The following RIC8B variants were observed in gnomAD, a reference collection of about 807,000 sequenced individuals.
RIC8B encodes chaperone Ric-8B.
In RIC8B, 16 loss-of-function variants were observed where a neutral mutation model predicts 57.5. That is an observed-to-expected ratio of 0.28 (90% CI 0.19 to 0.42). The LOEUF is 0.42. RIC8B is among the 10% of genes least tolerant of loss of function. RIC8B has a pLI of 1.00. For missense variants in RIC8B, 481 were observed against 677.0 expected (o/e 0.71, Z 3.21); for synonymous variants, 216 against 250.8 (o/e 0.86, Z 1.31).
chr12:106,809,486 G>T (rs2045226356), intron 2 of RIC8B, among the ~76,000 whole-genome samples: 1 of 143,386 alleles, frequency 7.0e-6, no homozygotes. Context: ...TTGTGCCACT[G>T]CACTTCAGCC....
intron 4 of RIC8B, among the ~76,000 whole-genome samples, chr12:106,841,928 C>G (rs887550416): frequency 3.3e-5 from 5 of 152,064 alleles, no homozygotes; most frequent in African/African-American, 1.2e-4. Context: ...ATCCCAGTCT[C>G]GTGTATTCAT....
chr12:106,824,276 G>A (rs994320238), intron 3 of RIC8B, among the ~76,000 whole-genome samples: 1 of 152,104 alleles, frequency 6.6e-6, no homozygotes, highest in Non-Finnish European at 1.5e-5. Context: ...TCCAGTATTT[G>A]GAGATTCATG....
chr12:106,838,722 CA>C (rs926141600), intron 4 of RIC8B, among the ~76,000 whole-genome samples: 2 of 151,814 alleles, frequency 1.3e-5, no homozygotes, highest in African/African-American at 2.4e-5. Flanking sequence ...GCAAAGGAAA[CA>C]GTCAACAAAA....
In RIC8B at chr12:106,840,115, G is replaced by A. The variant is rs114679926; in HGVS notation, c.837-2474G>A. Among the ~76,000 whole-genome samples the A allele has an allele frequency of 4.8e-3, 735 of 152,178 alleles. 4 individuals carry two copies. The highest frequency in any genetic ancestry group is 0.017 in the African/African-American group (686 of 41,500). ...TACAGCCTTGAAAAAAGATATGTAA[G>A]CCCCAAATATAAAGAAGATACATTT... On this transcript the variant is annotated intron_variant, in intron 4 of 9. Coordinates refer to ENST00000392837, the MANE Select transcript of RIC8B (RefSeq NM_001330145.2).
At chr12:106,832,366 G>A (rs1593243438) in intron 4 of RIC8B, among the ~76,000 whole-genome samples, 1 of 151,920 alleles carries the variant, frequency 6.6e-6, no homozygotes, top group Non-Finnish European at 1.5e-5. Flanking sequence ...TCATGAGTTC[G>A]AGGCCAGCCT....
chr12:106,809,522 CAAAAAAAAAAAA>C (rs201411394), intron 2 of RIC8B, among the ~76,000 whole-genome samples: 5 of 105,542 alleles, frequency 4.7e-5, no homozygotes, highest in Admixed American at 9.7e-5. Context: ...ACTCTTGTCT[CAAAAAAAAAAAA>C]AAAAAAAAAA....
chr12:106,874,623 C>A, intron 9 of RIC8B: 1 of 1,295,868 alleles, frequency 7.7e-7, no homozygotes, highest in Non-Finnish European at 1.1e-6. Flanking sequence ...ATGTTATTCA[C>A]TACCAAAATT....
chr12:106,809,522 CAAA>C (rs201411394), intron 2 of RIC8B, among the ~76,000 whole-genome samples: 2 of 105,548 alleles, frequency 1.9e-5, no homozygotes, highest in African/African-American at 3.5e-5. Context: ...ACTCTTGTCT[CAAA>C]AAAAAAAAAA....
intron 3 of RIC8B, among the ~76,000 whole-genome samples, chr12:106,815,548 A>G (rs2045536182): frequency 6.6e-6 from 1 of 152,374 alleles, no homozygotes; most frequent in East Asian, 1.9e-4. Context: ...TGCCAAATAT[A>G]GTTTTCTGAG....
intron 2 of RIC8B, chr12:106,798,087 ATAAC>A (rs1280117177): frequency 1.4e-6 from 1 of 716,364 alleles, no homozygotes; most frequent in Non-Finnish European, 2.6e-6. Context: ...ACTGAATAAA[ATAAC>A]TAGTGAAGAA....
chr12:106,789,329 A>G (rs1348185421), intron 2 of RIC8B, among the ~76,000 whole-genome samples: 1 of 152,070 alleles, frequency 6.6e-6, no homozygotes, highest in Non-Finnish European at 1.5e-5. Flanking sequence ...GAGCCCTCCA[A>G]ACTGTTCCAA....
At chr12:106,851,332 T>TTTG in intron 6 of RIC8B, 118 bp from the exon 7 acceptor site, 1 of 415,344 alleles carries the variant, frequency 2.4e-6, no homozygotes, top group Non-Finnish European at 3.8e-6. Flanking sequence ...TTTTTTTTTT[T>TTTG]TTTTGCTCCT....
intron 1 of RIC8B, among the ~76,000 whole-genome samples, chr12:106,779,132 C>T (rs972294002): frequency 6.6e-6 from 1 of 152,032 alleles, no homozygotes; most frequent in African/African-American, 2.4e-5. Context: ...AGGCTGGTCT[C>T]GAATTTCCGA....
At chr12:106,818,228 G>A (rs1045011910) in intron 3 of RIC8B, among the ~76,000 whole-genome samples, 2 of 151,620 alleles carry the variant, frequency 1.3e-5, no homozygotes, top group Non-Finnish European at 2.9e-5. Flanking sequence ...ATGCAGTGGC[G>A]CAATCTTAGC....
rs747864406 is a variant in RIC8B, at chr12:106,843,903, T to A, written c.1117T>A (p.Cys373Ser). ...TCCAGTTCTCAGCTTATTAACCGAA[T>A]GTTCCCGAGCCCATCGAAACATCCG... ...LTPVLSLLTECSRAHRNIRKF... is the reference protein window; with the variant it reads ...LTPVLSLLTESSRAHRNIRKF... Residue 373 changes from cysteine (C) to serine (S), a missense_variant, in exon 6 of 10, where the codon TGT becomes AGT. Physicochemically the swap from Cys to Ser is moderately radical, Grantham distance 112. Coordinates refer to ENST00000392837, the MANE Select transcript of RIC8B (RefSeq NM_001330145.2). 6.2e-7 allele frequency: 1 copy of A among 1,613,824 alleles called. No individual in the cohort carries two copies. The highest frequency in any genetic ancestry group is 8.5e-7 in the Non-Finnish European group (1 of 1,179,972).
Position 106,879,257 on chromosome 12 carries a change from T to C in RIC8B, c.1572-6647T>C, listed in dbSNP as rs949281370. ...GTTTTGTTTGTATTGCACAAAAACA[T>C]GTGCTGTGGGCAAGAGTATTCTCTT... On this transcript the variant is annotated intron_variant, in intron 9 of 9. Transcript: ENST00000392837. The surrounding 1 kb of genome is among the most constrained non-coding windows in gnomAD (Gnocchi z 4.9). 7 of 985,500 alleles carry C rather than the reference T, an allele frequency of 7.1e-6. No individual in the cohort carries two copies. Among genetic ancestry groups the C allele is most frequent in the African/African-American group, 3.5e-5 (2 of 57,220 alleles). The allele number at this position is 985,500 out of a possible 1,614,324, so 61.0% of individuals were successfully genotyped here.
chr12:106,823,174 A>AGTAAG, intron 3 of RIC8B: 1 of 241,480 alleles, frequency 4.1e-6, no homozygotes, highest in Non-Finnish European at 8.5e-6. Flanking sequence ...GTAGTAGATT[A>AGTAAG]GTGGAGGAAA....
chr12:106,814,707 A>T lies in RIC8B; in HGVS notation c.144A>T (p.Glu48Asp), dbSNP rs376250596. The T allele has an allele frequency of 6.3e-7, 1 of 1,590,422 alleles. No individual in the cohort carries two copies. Among genetic ancestry groups the T allele is most frequent in the Admixed American group, 1.8e-5 (1 of 55,064 alleles). ...TTCTTGTTTTTCAGAAACTCTGTGA[A>T]GGCATATTTAAAGTCCTTATAAAGG... ...TDEDKRKKLCEGIFKVLIKDI... is the reference protein window; with the variant it reads ...TDEDKRKKLCDGIFKVLIKDI... The change falls in exon 3 of 10, where the codon GAA becomes GAT. Residue 48 changes from glutamate (E) to aspartate (D), a missense_variant. Glu to Asp is a conservative substitution (Grantham distance 45). Transcript: ENST00000392837.
At chr12:106,824,747 G>GA (rs982930727) in intron 3 of RIC8B, among the ~76,000 whole-genome samples, 23 of 147,854 alleles carry the variant, frequency 1.6e-4, no homozygotes, top group African/African-American at 4.5e-4. Flanking sequence ...AATACAAAAA[G>GA]AAAAAAAAAA....
Sources: gnomAD v4.1 joint callset for allele counts (sites outside exome capture counted in the v4.1 genomes callset) on GRCh38, gnomAD v4.1.1 for gene constraint, Gnocchi (gnomAD v3.1) non-coding constraint, MANE v1.5 for transcripts, NCBI Gene and HGNC (gene_info 2026-07-23, HGNC 2026-07-21) for gene names.